Variants in MCC observed in about 807,000 individuals in gnomAD.
MCC encodes the protein MCC regulator of Wnt signaling pathway.
Under a neutral mutation model 116.2 loss-of-function variants are expected in MCC, and 90 were observed. That is an observed-to-expected ratio of 0.77 (90% confidence interval 0.65 to 0.92). MCC has a LOEUF of 0.92. Among genes scored for constraint, MCC ranks in the 40% least tolerant of loss-of-function variants. The pLI is 0.00. For synonymous variants in MCC, 578 were observed against 510.5 expected, an observed-to-expected ratio of 1.13 and a Z score of -1.78; for missense variants, 1,516 against 1,312.2, an observed-to-expected ratio of 1.16 and a Z score of -2.40.
chr5:113,197,003 T>G (rs372767888), intron 3 of MCC, among the ~76,000 whole-genome samples: 1 of 152,200 alleles, frequency 6.6e-6, no homozygotes, highest in African/African-American at 2.4e-5. Flanking sequence ...TCTGCCCTCA[T>G]GGAGCTTAAA....
intron 3 of MCC, among the ~76,000 whole-genome samples, chr5:113,291,181 T>C (rs1166457613): frequency 6.6e-6 from 1 of 152,306 alleles, no homozygotes; most frequent in South Asian, 2.1e-4. Flanking sequence ...CATTTTGAAG[T>C]ACACATGCAA....
chr5:113,255,291 A>G (rs1308624190), intron 3 of MCC, among the ~76,000 whole-genome samples: 2 of 152,206 alleles, frequency 1.3e-5, no homozygotes, highest in African/African-American at 4.8e-5. Context: ...AAAAAGGCCA[A>G]GTCTTGCTAA....
At chr5:113,147,786 T>C (rs904600074) in intron 4 of MCC, among the ~76,000 whole-genome samples, 4 of 152,016 alleles carry the variant, frequency 2.6e-5, no homozygotes, top group East Asian at 3.9e-4. Context: ...AAGAGAAGCA[T>C]AAACGAATAG....
intron 3 of MCC, among the ~76,000 whole-genome samples, chr5:113,261,887 A>G (rs904359194): frequency 1.3e-5 from 2 of 152,168 alleles, no homozygotes; most frequent in Admixed American, 6.6e-5. Context: ...TGTCCACATG[A>G]TGCAGTATTA....
At chr5:113,457,730 A>G (rs1293388525) in intron 1 of MCC, among the ~76,000 whole-genome samples, 1 of 141,508 alleles carries the variant, frequency 7.1e-6, no homozygotes, top group Non-Finnish European at 1.5e-5. Flanking sequence ...TGTCTAGCTC[A>G]GGGGTTGTGA....
intron 14 of MCC, among the ~76,000 whole-genome samples, chr5:113,061,275 A>G (rs892403769): frequency 6.6e-6 from 1 of 152,182 alleles, no homozygotes; most frequent in African/African-American, 2.4e-5. Flanking sequence ...TCAGTCTCTG[A>G]GAGTACAGAC....
rs1362259058 is a variant in MCC at position 113,083,011 on chromosome 5, G to A, written c.1636-3C>T. On this transcript the variant is annotated splice_polypyrimidine_tract_variant and splice_region_variant and intron_variant, in intron 10 of 18. Transcript: ENST00000408903. ...TGTTCAGCCACACTGCTGGATACCT[G>A]CAAAAAGAAGCATTAATTCCCCTTT... 2.5e-6 allele frequency: 4 copies of A among 1,606,080 alleles called. No homozygotes were observed. Among genetic ancestry groups the A allele is most frequent in the Non-Finnish European group, 3.4e-6 (4 of 1,177,590 alleles).
chr5:113,347,798 A>G (rs936163290), intron 2 of MCC, among the ~76,000 whole-genome samples: 6 of 152,146 alleles, frequency 3.9e-5, no homozygotes, highest in African/African-American at 1.2e-4. Flanking sequence ...TGGATAAAAA[A>G]GCAAGACCAA....
chr5:113,046,685 C>CAAAAAAAAAAAAAAAAAA lies in MCC; in HGVS notation c.2655+2390_2655+2407dup, dbSNP rs151183145. Reference sequence around the variant, plus strand: ...ACTGACTGCTAACAAACTCAAAAGGCAAAAAAAAAAAAAAAAAAAAAAAAA... The same window carrying CAAAAAAAAAAAAAAAAAA: ...ACTGACTGCTAACAAACTCAAAAGGCAAAAAAAAAAAAAAAAAAAAAAAAAAAAAAAAAAAAAAAAAAA... On this transcript the variant is annotated intron_variant, in intron 16 of 18. Coordinates refer to ENST00000408903, the MANE Select transcript of MCC (RefSeq NM_001085377.2). 2.2e-3 allele frequency among the ~76,000 whole-genome samples: 126 copies of CAAAAAAAAAAAAAAAAAA among 58,380 alleles called. 4 individuals are homozygous for CAAAAAAAAAAAAAAAAAA. Among genetic ancestry groups the CAAAAAAAAAAAAAAAAAA allele is most frequent in the East Asian group, 3.9e-3 (8 of 2,034 alleles). The allele number at this position is 58,380 out of a possible 152,430, so 38.3% of individuals were successfully genotyped here.
At chr5:113,142,514 G>A (rs1414882814) in intron 5 of MCC, among the ~76,000 whole-genome samples, 1 of 151,846 alleles carries the variant, frequency 6.6e-6, no homozygotes, top group Non-Finnish European at 1.5e-5. Flanking sequence ...ACCAGTTATT[G>A]TTATGAAAAG....
Position 113,078,533 on chromosome 5 carries a change from T to C in MCC, c.1784+4327A>G, listed in dbSNP as rs576488081. Among the ~76,000 whole-genome samples, 295 of 152,218 alleles carry C rather than the reference T, an allele frequency of 1.9e-3. 2 individuals are homozygous for C. Among genetic ancestry groups the C allele is most frequent in the African/African-American group, 6.8e-3 (282 of 41,476 alleles). ...CAAATCAATAAACGTTAATCCATCA[T>C]ATAAATAGAACCAAAGACAAAAACC... On this transcript the variant is annotated intron_variant, in intron 11 of 18. Transcript: ENST00000408903.
intron 3 of MCC, among the ~76,000 whole-genome samples, chr5:113,292,137 T>TA (rs1039664547): frequency 8.8e-4 from 134 of 151,944 alleles, no homozygotes; most frequent in African/African-American, 3.2e-3. Flanking sequence ...GAGACTGAGG[T>TA]AAGAGAATCG....
At chr5:113,033,844 T>G (rs1751131232) in intron 17 of MCC, among the ~76,000 whole-genome samples, 1 of 152,210 alleles carries the variant, frequency 6.6e-6, no homozygotes, top group Non-Finnish European at 1.5e-5. Context: ...TTTGGGCTTC[T>G]TATTCCTGGT....
In MCC at chr5:113,113,400, T is replaced by C. The variant is rs115237114; in HGVS notation, c.1028-9045A>G. Among the ~76,000 whole-genome samples, 891 of 152,112 alleles carry C rather than the reference T, an allele frequency of 5.9e-3. 13 individuals are homozygous for C. Among genetic ancestry groups the C allele is most frequent in the African/African-American group, 0.021 (864 of 41,486 alleles). On this transcript the variant is annotated intron_variant, in intron 6 of 18. Transcript: ENST00000408903. The stretch of plus-strand genomic sequence containing the variant: ...TAACATAGAAAATTAGAAAACAGAA[T>C]AGTCAACTTTTAGGGTTGAACACCA...
chr5:113,363,894 G>GT (rs1768611304), intron 2 of MCC, among the ~76,000 whole-genome samples: 1 of 152,138 alleles, frequency 6.6e-6, no homozygotes, highest in Admixed American at 6.5e-5. Context: ...GGTAGTACAA[G>GT]CACTAGGTAA....
Position 113,242,697 on chromosome 5 carries a change from C to A in MCC, c.628-91275G>T, listed in dbSNP as rs372254009. Among the ~76,000 whole-genome samples, 27 of 152,160 alleles carry A rather than the reference C, an allele frequency of 1.8e-4. 4 individuals carry two copies. Among genetic ancestry groups the A allele is most frequent in the Admixed American group, 7.2e-4 (11 of 15,282 alleles). On this transcript the variant is annotated intron_variant, in intron 3 of 18. Transcript: ENST00000408903. ...AGAGGGTTATGAACAAGGAACATGA[C>A]CACACGGGGGTAACCAGATGGACAC...
chr5:113,056,724 A>G (rs1319603191), intron 14 of MCC, among the ~76,000 whole-genome samples: 1 of 151,422 alleles, frequency 6.6e-6, no homozygotes, highest in Admixed American at 6.6e-5. Flanking sequence ...TGAACTTAAA[A>G]TAAAAGTAAA....
intron 6 of MCC, among the ~76,000 whole-genome samples, chr5:113,105,620 T>C (rs966150578): frequency 6.6e-6 from 1 of 152,118 alleles, no homozygotes; most frequent in African/African-American, 2.4e-5. Flanking sequence ...ACATACTAAA[T>C]CCAATTCATC....
rs186583393 is a variant in MCC at position 113,172,137 on chromosome 5, T to C, written c.628-20715A>G. Among the ~76,000 whole-genome samples the C allele has an allele frequency of 4.7e-4, 72 of 152,280 alleles. 1 individual carries two copies. The highest frequency in any genetic ancestry group is 1.6e-3 in the African/African-American group (68 of 41,550). ...GAGACACATACCAATGGACAGTTCA[T>C]ACCCAATAGACACAGTTCAGCTCAC... On this transcript the variant is annotated intron_variant, in intron 3 of 18. Transcript: ENST00000408903.
Sources: gnomAD v4.1 joint callset for allele counts (sites outside exome capture counted in the v4.1 genomes callset) on GRCh38, gnomAD v4.1.1 for gene constraint, MANE v1.5 for transcripts, NCBI Gene and HGNC (gene_info 2026-07-23, HGNC 2026-07-21) for gene names.